Variants in KTN1 observed in about 807,000 individuals in gnomAD.
The protein encoded by KTN1 is kinectin.
KTN1 carries 130 observed loss-of-function variants against 222.5 expected under a neutral mutation model. The observed-to-expected ratio is 0.58, with a 90% CI of 0.51 to 0.68. The LOEUF (loss-of-function observed/expected upper bound fraction) is 0.68. KTN1 is among the 30% of genes least tolerant of loss of function. The pLI is 0.00. For missense variants in KTN1, 1,508 were observed against 1,500.4 expected (o/e 1.01, Z -0.08); for synonymous variants, 512 against 496.3 (o/e 1.03, Z -0.42).
chr14:55,639,341 C>A, intron 13 of KTN1, 119 bp downstream of exon 13: 38 of 522,688 alleles, frequency 7.3e-5, no homozygotes, highest in Non-Finnish European at 9.8e-5. Context: ...ATACTCTGAA[C>A]TAGATTTGGA....
intron 1 of KTN1, among the ~76,000 whole-genome samples, chr14:55,580,626 G>A (rs1044900661): frequency 2.0e-5 from 3 of 151,796 alleles, no homozygotes; most frequent in African/African-American, 4.8e-5. Flanking sequence ...GCTCTGTCGC[G>A]GCACCCGGGG....
chr14:55,643,402 A>G (rs1012147346), intron 18 of KTN1, among the ~76,000 whole-genome samples: 6 of 152,074 alleles, frequency 3.9e-5, no homozygotes, highest in African/African-American at 1.4e-4. Context: ...CAGTGGTGAG[A>G]TATAACATTG....
chr14:55,602,020 G>A (rs2036046396), intron 1 of KTN1: 1 of 152,186 alleles, frequency 6.6e-6, no homozygotes. Context: ...ACAGGTGTGA[G>A]CCACCACGCC....
At chr14:55,615,579 A>T (rs944938932) in intron 2 of KTN1, among the ~76,000 whole-genome samples, 4 of 152,238 alleles carry the variant, frequency 2.6e-5, no homozygotes, top group African/African-American at 9.6e-5. Context: ...AAGAGTAGTC[A>T]AATAAGGAGT....
At chr14:55,596,028 G>A (rs1351570425) in intron 1 of KTN1, among the ~76,000 whole-genome samples, 2 of 151,696 alleles carry the variant, frequency 1.3e-5, no homozygotes, top group African/African-American at 2.4e-5. Context: ...GGTGGCAGGC[G>A]CCTGTAGTCC....
At chr14:55,669,063 CA>C (rs1325971564) in intron 34 of KTN1, among the ~76,000 whole-genome samples, 2 of 151,880 alleles carry the variant, frequency 1.3e-5, no homozygotes, top group Non-Finnish European at 2.9e-5. Flanking sequence ...TTAATATATT[CA>C]ATTTTTTTTT....
chr14:55,582,984 C>T lies in KTN1; in HGVS notation c.-31+2630C>T, dbSNP rs903625336. ...AAAGAGAATTGCATTTCATTGCTTC[C>T]TCTTTCAGTTCCTGTGAACATGACT... On this transcript the variant is annotated intron_variant, in intron 1 of 43. Transcript: ENST00000395314. Among the ~76,000 whole-genome samples the T allele has an allele frequency of 3.3e-5, 5 of 152,260 alleles. No homozygotes were observed. In the South Asian group the frequency reaches 1.0e-3, roughly 32 times the overall value.
chr14:55,580,402 G>GCGGGGGGAGGCGGCGCCGGCCGCGGGGTC, intron 1 of KTN1, 48 bp downstream of exon 1: 1 of 146,600 alleles, frequency 6.8e-6, no homozygotes, highest in Non-Finnish European at 1.5e-5. Context: ...GGCGGGGAGC[G>GCGGGGGGAGGCGGCGCCGGCCGCGGGGTC]CGGGGGGAGG....
chr14:55,678,698 T>G, intron 42 of KTN1: 1 of 389,890 alleles, frequency 2.6e-6, no homozygotes, highest in Non-Finnish European at 4.7e-6. Context: ...AATGGCTTTT[T>G]AGGAACCAGG....
In KTN1 at chr14:55,651,921, A is replaced by G. The variant is rs76902262; in HGVS notation, c.2597A>G (p.Gln866Arg). 1.2e-3 allele frequency: 1,823 copies of G among 1,559,708 alleles called. 23 individuals are homozygous for G. In the African/African-American group the frequency reaches 0.022, roughly 19 times the overall value. Residue 866 changes from glutamine to arginine, a missense_variant, in exon 25 of 44, where the codon CAG becomes CGG. Physicochemically the swap from Gln to Arg is conservative, Grantham distance 43. Transcript: ENST00000395314. ...ATCACTTCCAAAGTTCAGGAGCTTC[A>G]GAACTTGTAAGTACCATTTATCTCA... The part of the protein sequence containing the change: ...LSITSKVQEL[Q>R]NLLKGKEEQM...
chr14:55,587,995 A>G (rs190436663), intron 1 of KTN1, among the ~76,000 whole-genome samples: 15 of 152,296 alleles, frequency 9.8e-5, no homozygotes, highest in African/African-American at 3.6e-4. Context: ...GCACTTTTCA[A>G]GTAAAAAATA....
intron 19 of KTN1, among the ~76,000 whole-genome samples, chr14:55,647,444 G>A (rs1408525605): frequency 6.6e-6 from 1 of 151,488 alleles, no homozygotes; most frequent in African/African-American, 2.4e-5. Flanking sequence ...AAACCAGCCT[G>A]GCCAACATGG....
chr14:55,637,390 TA>T (rs200929648), intron 11 of KTN1, 26 bp downstream of exon 11: 71 of 1,320,324 alleles, frequency 5.4e-5, no homozygotes, highest in South Asian at 2.3e-4. Context: ...TTTTTTTTTT[TA>T]AAAAAATACA....
intron 7 of KTN1, among the ~76,000 whole-genome samples, 178 bp downstream of exon 7, chr14:55,630,275 C>T (rs371023643): frequency 1.4e-4 from 21 of 151,750 alleles, no homozygotes; most frequent in African/African-American, 4.8e-4. Flanking sequence ...GTAGGGAGGC[C>T]GGATGCAGAT....
chr14:55,597,042 G>A (rs1223272218), intron 1 of KTN1, among the ~76,000 whole-genome samples: 1 of 151,588 alleles, frequency 6.6e-6, no homozygotes, highest in Non-Finnish European at 1.5e-5. Context: ...AGTATATACT[G>A]TATATATGAA....
intron 2 of KTN1, among the ~76,000 whole-genome samples, chr14:55,613,018 T>C (rs1245630712): frequency 6.6e-6 from 1 of 152,160 alleles, no homozygotes; most frequent in Non-Finnish European, 1.5e-5. Context: ...ATGGTAAGAA[T>C]TAAAGGTGAA....
At chr14:55,637,560 T>C (rs10483648) in intron 11 of KTN1, among the ~76,000 whole-genome samples, 196 bp downstream of exon 11, 9,129 of 151,712 alleles carry the variant, frequency 0.06, 380 homozygotes, top group South Asian at 0.09. Flanking sequence ...AGGCTCTTTG[T>C]GTTAGATTAG....
At position 55,593,682 on chromosome 14, in the gene KTN1, A is replaced by G. The variant is rs184249478; in HGVS notation, c.-31+13328A>G. 5.3e-5 allele frequency among the ~76,000 whole-genome samples: 8 copies of G among 152,294 alleles called. No homozygotes were observed. In the East Asian group the frequency reaches 1.3e-3, roughly 26 times the overall value. On this transcript the variant is annotated intron_variant, in intron 1 of 43. Transcript: ENST00000395314. ...AAGCACTTGGGGAACGTGAACGAAC[A>G]CTAGCTTTGCATTAAGGAATTACTA...
chr14:55,684,121 T>A lies in KTN1; in HGVS notation c.*18T>A, dbSNP rs1360394018. ...CAGAGTGAAGTAATTGGGAAACTGT[T>A]CATTTGAGGATAAAAAAGGCATTGT... is the stretch of plus-strand genomic sequence containing the variant. On this transcript the variant is annotated 3_prime_UTR_variant, in exon 44 of 44. Coordinates refer to ENST00000395314, the MANE Select transcript of KTN1 (RefSeq NM_001079521.2). 6.3e-7 allele frequency: 1 copy of A among 1,595,828 alleles called. No individual in the cohort carries two copies. The highest frequency in any genetic ancestry group is 1.3e-5 in the African/African-American group (1 of 74,328).
Sources: gnomAD v4.1 joint callset for allele counts (sites outside exome capture counted in the v4.1 genomes callset) on GRCh38, gnomAD v4.1.1 for gene constraint, MANE v1.5 for transcripts, NCBI Gene and HGNC (gene_info 2026-07-23, HGNC 2026-07-21) for gene names.